PPP1R7: variants seen among roughly 807,000 people sequenced by gnomAD.
PPP1R7 encodes protein phosphatase 1 regulatory subunit 22.
Under a neutral mutation model 45.2 loss-of-function variants are expected in PPP1R7, and 18 were observed. The observed-to-expected ratio is 0.40, with a 90% CI of 0.28 to 0.59. The LOEUF (loss-of-function observed/expected upper bound fraction) is 0.59. Among genes scored for constraint, PPP1R7 ranks in the 20% least tolerant of loss-of-function variants. PPP1R7 has a pLI of 0.46. For missense variants in PPP1R7, 314 were observed against 455.8 expected (o/e 0.69, Z 2.83); for synonymous variants, 181 against 183.4 (o/e 0.99, Z 0.11).
chr2:241,155,317 G>T (rs2067429411), intron 2 of PPP1R7: 1 of 152,230 alleles, frequency 6.6e-6, no homozygotes, highest in African/African-American at 2.4e-5. Context: ...GAGACTCTCT[G>T]CAGCTTGTCC....
At chr2:241,157,603 A>C (rs2067487325) in intron 2 of PPP1R7, among the ~76,000 whole-genome samples, 1 of 152,208 alleles carries the variant, frequency 6.6e-6, no homozygotes, top group South Asian at 2.1e-4. Context: ...GAAATTCAGA[A>C]TGCTTAAAAC....
intron 1 of PPP1R7, 56 bp downstream of exon 1, chr2:241,150,603 G>T: frequency 6.5e-7 from 1 of 1,541,062 alleles, no homozygotes; most frequent in Non-Finnish European, 8.7e-7. Context: ...GGGAGCTGCG[G>T]GCTGGAACTG....
chr2:241,150,399 G>A, upstream of PPP1R7: 2 of 1,180,088 alleles, frequency 1.7e-6, no homozygotes, highest in South Asian at 1.9e-5. Context: ...AAGTCGCCGC[G>A]CCGGAATCCC....
chr2:241,166,500 A>G, intron 8 of PPP1R7, 59 bp downstream of exon 8: 1 of 1,460,220 alleles, frequency 6.8e-7, no homozygotes, highest in South Asian at 1.2e-5. Context: ...GCGGGCAGGC[A>G]CCTGGCCAGC....
chr2:241,158,174 G>T (rs978137262), intron 3 of PPP1R7, among the ~76,000 whole-genome samples: 7 of 152,196 alleles, frequency 4.6e-5, no homozygotes, highest in African/African-American at 1.4e-4. Context: ...AGCCCACAGC[G>T]TGTCTCTGAT....
At position 241,183,103 on chromosome 2, in the gene PPP1R7, G is replaced by C. The variant is rs962785064; in HGVS notation, c.*280G>C. ...TTGCGTTCATTCGCTAGAAATCCCT[G>C]TTTCCTTCTCTCAGAAGGCAGTCAC... On this transcript the variant is annotated 3_prime_UTR_variant, in exon 10 of 10. Transcript: ENST00000234038. The C allele has an allele frequency of 1.1e-5, 5 of 459,242 alleles. No homozygotes were observed. Among genetic ancestry groups the C allele is most frequent in the Non-Finnish European group, 1.6e-5 (4 of 248,334 alleles). 28.4% of individuals were successfully genotyped at this position (459,242 alleles called of 1,614,324 possible). A position where few individuals can be genotyped will look rare whatever the true frequency, so the allele number is the denominator to read the frequency against.
chr2:241,150,316 G>A (rs749087303), upstream of PPP1R7: 1 of 1,331,254 alleles, frequency 7.5e-7, no homozygotes, highest in South Asian at 2.2e-5. Flanking sequence ...TCTGGGGGAG[G>A]CGCGGCGCGC....
At chr2:241,154,702 C>CAAAAG (rs79821806) in intron 2 of PPP1R7, among the ~76,000 whole-genome samples, 43,839 of 151,740 alleles carry the variant, frequency 0.29, 7,134 homozygotes, top group Middle Eastern at 0.45. Flanking sequence ...GACTCCATCT[C>CAAAAG]AAAACAAAAA....
chr2:241,153,974 G>C (rs1171038106), intron 2 of PPP1R7, among the ~76,000 whole-genome samples: 1 of 151,966 alleles, frequency 6.6e-6, no homozygotes, highest in Non-Finnish European at 1.5e-5. Context: ...GAGGTCAGGA[G>C]ATCAAGCCCA....
At chr2:241,151,535 G>C (rs1212628993) in intron 1 of PPP1R7, 1 of 471,230 alleles carries the variant, frequency 2.1e-6, no homozygotes, top group South Asian at 1.5e-5. Flanking sequence ...TCAAGACGGA[G>C]AAAACTGCTG....
At chr2:241,178,708 C>T (rs557767784) in intron 9 of PPP1R7, among the ~76,000 whole-genome samples, 1 of 142,002 alleles carries the variant, frequency 7.0e-6, no homozygotes. Flanking sequence ...CTGTAACCTC[C>T]GCCTCCCGGG....
intron 2 of PPP1R7, among the ~76,000 whole-genome samples, chr2:241,155,732 G>A (rs891073694): frequency 6.6e-6 from 1 of 152,158 alleles, no homozygotes; most frequent in Non-Finnish European, 1.5e-5. Context: ...GTTTCTGCCT[G>A]CTGGCCCAGC....
chr2:241,169,018 C>T (rs997050069), intron 8 of PPP1R7, among the ~76,000 whole-genome samples: 4 of 152,152 alleles, frequency 2.6e-5, no homozygotes, highest in Non-Finnish European at 5.9e-5. Flanking sequence ...AAATGTTTTC[C>T]TTTTGATGAG....
chr2:241,175,597 T>TA (rs1229163791), intron 9 of PPP1R7, among the ~76,000 whole-genome samples: 4 of 152,214 alleles, frequency 2.6e-5, no homozygotes, highest in African/African-American at 9.7e-5. Flanking sequence ...TAGTGCCTGA[T>TA]ACACTTTTTT....
intron 9 of PPP1R7, among the ~76,000 whole-genome samples, chr2:241,181,671 G>C (rs1355807299): frequency 1.3e-5 from 2 of 152,182 alleles, no homozygotes; most frequent in Non-Finnish European, 2.9e-5. Context: ...GAACGCCCCT[G>C]CTTGCCTTCC....
chr2:241,150,181 T>G, upstream of PPP1R7: 1 of 1,271,144 alleles, frequency 7.9e-7, no homozygotes, highest in Non-Finnish European at 9.9e-7. Context: ...CTCTCCACTC[T>G]GCCTAGACGT....
intron 3 of PPP1R7, 86 bp downstream of exon 3, chr2:241,157,948 C>T: frequency 1.4e-6 from 2 of 1,422,606 alleles, no homozygotes; most frequent in South Asian, 2.4e-5. Context: ...AAGTTATTTC[C>T]CTAGAGAGGT....
chr2:241,158,726 C>G (rs552565304), intron 4 of PPP1R7, 177 bp downstream of exon 4: 4 of 621,572 alleles, frequency 6.4e-6, no homozygotes, highest in East Asian at 5.5e-5. Flanking sequence ...AGACAGCAGT[C>G]GAGGGACTTG....
chr2:241,151,353 G>T (rs1347257972), intron 1 of PPP1R7: 1 of 446,694 alleles, frequency 2.2e-6, no homozygotes, highest in Non-Finnish European at 4.7e-6. Context: ...TGTGAAAGGG[G>T]TAGGGAAGAG....
Sources: gnomAD v4.1 joint callset for allele counts (sites outside exome capture counted in the v4.1 genomes callset) on GRCh38, gnomAD v4.1.1 for gene constraint, MANE v1.5 for transcripts, NCBI Gene and HGNC (gene_info 2026-07-23, HGNC 2026-07-21) for gene names.